The following PLCH1 variants were observed in gnomAD, a reference collection of about 807,000 sequenced individuals.
PLCH1 encodes the protein phospholipase C eta 1, also known as 1-phosphatidylinositol 4,5-bisphosphate phosphodiesterase eta-1.
Under a neutral mutation model 126.7 loss-of-function variants are expected in PLCH1, and 60 were observed. The observed-to-expected ratio is 0.47, with a 90% CI of 0.38 to 0.59. The LOEUF (loss-of-function observed/expected upper bound fraction) is 0.59, where lower values mean the gene tolerates loss of function less well. Among genes scored for constraint, PLCH1 ranks in the 20% least tolerant of loss-of-function variants. The pLI, the probability that PLCH1 is intolerant of heterozygous loss-of-function variation, is 0.00. For synonymous variants in PLCH1, 719 were observed against 734.9 expected (o/e 0.98, Z 0.35); for missense variants, 1,723 against 2,040.0 (o/e 0.84, Z 2.99).
At chr3:155,576,469 T>C (rs977991759) in intron 6 of PLCH1, among the ~76,000 whole-genome samples, 2 of 152,118 alleles carry the variant, frequency 1.3e-5, no homozygotes, top group African/African-American at 4.8e-5. Context: ...CAAACAGCAA[T>C]TGGACCTGTC....
chr3:155,524,114 T>G, intron 10 of PLCH1, 110 bp from the exon 11 acceptor site: 1 of 727,256 alleles, frequency 1.4e-6, no homozygotes, highest in South Asian at 1.6e-5. Flanking sequence ...ACAAAACGTG[T>G]ATGTACATAC....
At chr3:155,579,381 T>A (rs553174300) in intron 6 of PLCH1, among the ~76,000 whole-genome samples, 16 of 152,336 alleles carry the variant, frequency 1.1e-4, no homozygotes, top group African/African-American at 3.8e-4. Flanking sequence ...TACATCCACA[T>A]CTCATTTAAT....
chr3:155,598,795 A>G (rs1206532283), intron 2 of PLCH1, among the ~76,000 whole-genome samples: 1 of 152,232 alleles, frequency 6.6e-6, no homozygotes, highest in Non-Finnish European at 1.5e-5. Flanking sequence ...TAATTCATGT[A>G]AAGTACTGAA....
intron 2 of PLCH1, among the ~76,000 whole-genome samples, chr3:155,608,405 T>G (rs1381974219): frequency 1.3e-5 from 2 of 152,198 alleles, no homozygotes; most frequent in African/African-American, 4.8e-5. Context: ...CTGAAAGCTG[T>G]GCTTGCCTTC....
intron 2 of PLCH1, among the ~76,000 whole-genome samples, chr3:155,633,412 TCACACACACACACACA>T (rs59152066): frequency 5.8e-4 from 83 of 142,402 alleles, no homozygotes; most frequent in Non-Finnish European, 1.0e-3. Flanking sequence ...TTATATAACA[TCACACACACACACACA>T]CACACACACA....
Position 155,480,288 on chromosome 3 carries a change from G to A in PLCH1, c.*680C>T, listed in dbSNP as rs1490837128. 6.6e-6 allele frequency: 1 copy of A among 152,590 alleles called. No homozygotes were observed. Among genetic ancestry groups the A allele is most frequent in the Non-Finnish European group, 1.5e-5 (1 of 68,032 alleles). 9.5% of individuals were successfully genotyped at this position (152,590 alleles called of 1,614,324 possible). On this transcript the variant is annotated 3_prime_UTR_variant, in exon 23 of 23. Coordinates refer to ENST00000460012, the MANE Select transcript of PLCH1 (RefSeq NM_014996.4). ...CATACAAAGCCATTAGCAAAAATATGTAACAAAATTTATGTAAAACAAACA... is the reference window on the plus strand; with the variant it reads ...CATACAAAGCCATTAGCAAAAATATATAACAAAATTTATGTAAAACAAACA...
intron 15 of PLCH1, among the ~76,000 whole-genome samples, chr3:155,495,398 C>T (rs1716895297): frequency 6.6e-6 from 1 of 152,144 alleles, no homozygotes; most frequent in African/African-American, 2.4e-5. Flanking sequence ...CCGCTATTTC[C>T]ACTCCTTCAC....
chr3:155,501,141 T>C (rs1024845450), intron 13 of PLCH1, among the ~76,000 whole-genome samples: 5 of 152,166 alleles, frequency 3.3e-5, no homozygotes, highest in Non-Finnish European at 5.9e-5. Context: ...AGGGACAAAA[T>C]GCCCTTTTGT....
At chr3:155,552,542 T>C (rs1726286325) in intron 9 of PLCH1, among the ~76,000 whole-genome samples, 1 of 151,950 alleles carries the variant, frequency 6.6e-6, no homozygotes, top group African/African-American at 2.4e-5. Context: ...GGGAAGGTTG[T>C]TCCAGGCAGA....
intron 2 of PLCH1, among the ~76,000 whole-genome samples, chr3:155,654,008 A>T (rs949963862): frequency 6.6e-6 from 1 of 150,718 alleles, no homozygotes; most frequent in Non-Finnish European, 1.5e-5. Context: ...AATCAATTCC[A>T]ACCAGGCTTT....
chr3:155,624,474 A>G (rs1736975924), intron 2 of PLCH1, among the ~76,000 whole-genome samples: 1 of 152,222 alleles, frequency 6.6e-6, no homozygotes, highest in Non-Finnish European at 1.5e-5. Flanking sequence ...CTGTTTGCAG[A>G]TGACATGATT....
At chr3:155,512,360 G>A (rs73011582) in intron 12 of PLCH1, among the ~76,000 whole-genome samples, 1,558 of 152,262 alleles carry the variant, frequency 0.01, 16 homozygotes, top group African/African-American at 0.036. Flanking sequence ...AAACAAGAGA[G>A]ATGCAGACTC....
At chr3:155,744,581 T>C (rs185180165) in intron 1 of PLCH1, among the ~76,000 whole-genome samples, 76 of 152,232 alleles carry the variant, frequency 5.0e-4, no homozygotes, top group African/African-American at 1.6e-3. Flanking sequence ...AGTTACATTA[T>C]TTCGCGGACA....
At chr3:155,483,137 T>A in intron 22 of PLCH1, 86 bp from the exon 23 acceptor site, 1 of 1,228,944 alleles carries the variant, frequency 8.1e-7, no homozygotes, top group East Asian at 2.3e-5. Context: ...GACAGACAAA[T>A]GGAGAATGTA....
intron 2 of PLCH1, among the ~76,000 whole-genome samples, chr3:155,601,966 C>T (rs1250734947): frequency 6.6e-6 from 1 of 152,088 alleles, no homozygotes; most frequent in East Asian, 1.9e-4. Flanking sequence ...TTGTGCTTGG[C>T]CTTTCACTAA....
intron 1 of PLCH1, among the ~76,000 whole-genome samples, chr3:155,733,255 G>A (rs1748902733): frequency 6.6e-6 from 1 of 152,118 alleles, no homozygotes; most frequent in Non-Finnish European, 1.5e-5. Flanking sequence ...ATCCTGAATA[G>A]AGAAAGCAAT....
chr3:155,522,710 CTT>C (rs76460443), intron 11 of PLCH1, among the ~76,000 whole-genome samples: 110,846 of 140,716 alleles, frequency 0.79, 43,506 homozygotes, highest in East Asian at 0.92. Flanking sequence ...ATTTCTCTCT[CTT>C]TTTTTTTTTT....
intron 11 of PLCH1, among the ~76,000 whole-genome samples, chr3:155,519,635 C>T (rs1216551466): frequency 6.6e-6 from 1 of 151,784 alleles, no homozygotes; most frequent in Admixed American, 6.6e-5. Flanking sequence ...AATCCCAGGC[C>T]ATGCCCCAGA....
intron 2 of PLCH1, among the ~76,000 whole-genome samples, chr3:155,630,628 G>A (rs10936013): frequency 0.13 from 20,120 of 152,024 alleles, 2,034 homozygotes; most frequent in East Asian, 0.43. Context: ...TTCTGACTCC[G>A]GCACTGTAGT....
Sources: allele counts gnomAD v4.1 joint callset (sites outside exome capture counted in the v4.1 genomes callset), GRCh38; gene constraint gnomAD v4.1.1; transcripts MANE v1.5; gene names NCBI Gene and HGNC (gene_info 2026-07-23, HGNC 2026-07-21).